ATM: variants seen among roughly 807,000 people sequenced by gnomAD.
The protein encoded by ATM is ATM serine/threonine kinase.
ATM carries 308 observed loss-of-function variants against 387.0 expected under a neutral mutation model. The observed-to-expected ratio is 0.80, with a 90% CI of 0.73 to 0.87. The LOEUF (loss-of-function observed/expected upper bound fraction) is 0.87, where lower values mean the gene tolerates loss of function less well. Ranked by LOEUF, ATM falls within the 40% of genes least tolerant of loss-of-function variation. ATM has a pLI of 0.00. For missense variants in ATM, 3,312 were observed against 3,560.9 expected, an observed-to-expected ratio of 0.93 and a Z score of 1.78; for synonymous variants, 1,156 against 1,187.3, an observed-to-expected ratio of 0.97 and a Z score of 0.54.
chr11:108,332,698 T>A, intron 52 of ATM, 64 bp from the exon 53 acceptor site: 1 of 1,538,336 alleles, frequency 6.5e-7, no homozygotes, highest in African/African-American at 1.4e-5. Context: ...TTTGTTTTTC[T>A]AACTCTGAGA....
At chr11:108,337,742 A>G (rs1384681100) in intron 56 of ATM, among the ~76,000 whole-genome samples, 3 of 152,256 alleles carry the variant, frequency 2.0e-5, no homozygotes, top group African/African-American at 7.2e-5. Flanking sequence ...GAGACTAGAT[A>G]TTCTGTAATG....
intron 39 of ATM, among the ~76,000 whole-genome samples, chr11:108,310,832 G>A (rs561584245): frequency 2.6e-4 from 40 of 151,958 alleles, no homozygotes; most frequent in African/African-American, 6.5e-4. Flanking sequence ...AATTTAATTC[G>A]CTTTCCTCTG....
rs1248803396 is a variant in ATM, at chr11:108,331,960, T to C, written c.7711T>C (p.Phe2571Leu). 2 of 1,613,986 alleles carry C rather than the reference T, an allele frequency of 1.2e-6. No individual in the cohort carries two copies. Among genetic ancestry groups the C allele is most frequent in the African/African-American group, 2.7e-5 (2 of 74,938 alleles). The change falls in exon 52 of 63, where the codon TTT (phenylalanine) becomes CTT (leucine). Residue 2571 changes from phenylalanine to leucine, a missense_variant. Physicochemically the swap from Phe to Leu is conservative, Grantham distance 22. Coordinates refer to ENST00000675843, the MANE Select transcript of ATM (RefSeq NM_000051.4). Reference protein sequence around the residue: ...LALANANRDEFLTKPEVARRS... With the variant: ...LALANANRDELLTKPEVARRS... ...CTTAGCAAATGCAAACAGAGATGAA[T>C]TTCTGACTAAACCAGAGGTAGCCAG...
At chr11:108,314,582 T>C (rs1354151345) in intron 40 of ATM, among the ~76,000 whole-genome samples, 29 of 152,108 alleles carry the variant, frequency 1.9e-4, no homozygotes, top group Admixed American at 1.9e-3. Flanking sequence ...GTCTACTGTG[T>C]TGCTGATCCA....
At chr11:108,318,033 T>G (rs1336156932) in intron 43 of ATM, among the ~76,000 whole-genome samples, 2 of 152,058 alleles carry the variant, frequency 1.3e-5, no homozygotes, top group Non-Finnish European at 2.9e-5. Flanking sequence ...CACAAAGGAC[T>G]GCTTATCTTT....
intron 57 of ATM, among the ~76,000 whole-genome samples, chr11:108,344,872 C>G (rs1433973887): frequency 1.3e-5 from 2 of 151,960 alleles, no homozygotes; most frequent in African/African-American, 4.8e-5. Flanking sequence ...GTAATGGTGG[C>G]ACATGCCTGT....
chr11:108,250,872 G>A lies in ATM; in HGVS notation c.1407G>A (p.Arg469=), dbSNP rs1555070912. The change falls in exon 10 of 63, where the codon AGG becomes AGA. Residue 469 remains arginine, a synonymous_variant. Coordinates refer to ENST00000675843, the MANE Select transcript of ATM (RefSeq NM_000051.4). ...AAGTTGCATTGTGTCAAGACAAGAG[G>A]TCAAACCTAGAAAGCTCACAAAAGT... The part of the protein sequence containing the change: ...LTEVALCQDK[R]SNLESSQKSD... 1.2e-6 allele frequency: 2 copies of A among 1,613,962 alleles called. No homozygotes were observed. Among genetic ancestry groups the A allele is most frequent in the Non-Finnish European group, 1.7e-6 (2 of 1,180,020 alleles).
In ATM at chr11:108,308,631, T is replaced by G. The variant is rs187869779; in HGVS notation, c.5762+647T>G. The G allele has an allele frequency of 6.0e-3, 1,263 of 210,170 alleles. 5 individuals are homozygous for G. Among genetic ancestry groups the G allele is most frequent in the Non-Finnish European group, 9.5e-3 (988 of 103,514 alleles). The allele number at this position is 210,170 out of a possible 1,614,324, so 13.0% of individuals were successfully genotyped here. On this transcript the variant is annotated intron_variant, in intron 38 of 62. Transcript: ENST00000675843. Reference sequence around the variant, plus strand: ...AGAAATAGTGTAGTAGGCCTATAATTTGAATAGGTAGGAATCGATGTCTCA... The same window carrying G: ...AGAAATAGTGTAGTAGGCCTATAATGTGAATAGGTAGGAATCGATGTCTCA...
chr11:108,312,330 C>A, intron 39 of ATM, 81 bp from the exon 40 acceptor site: 2 of 1,055,036 alleles, frequency 1.9e-6, no homozygotes, highest in Non-Finnish European at 2.9e-6. Context: ...TAGTTTTTTT[C>A]TGTCAAAGTC....
At chr11:108,232,154 C>T (rs962292791) in intron 4 of ATM, among the ~76,000 whole-genome samples, 1 of 152,222 alleles carries the variant, frequency 6.6e-6, no homozygotes, top group African/African-American at 2.4e-5. Context: ...TTTGAAAATG[C>T]ATCAGCCTGT....
chr11:108,235,889 CA>C (rs1269656147), intron 5 of ATM, 55 bp downstream of exon 5: 24 of 1,581,280 alleles, frequency 1.5e-5, no homozygotes, highest in Non-Finnish European at 1.8e-5. Context: ...GAAACTTCAC[CA>C]AAGAAAGCAC....
intron 49 of ATM, 37 bp from the exon 50 acceptor site, chr11:108,330,177 A>C (rs1185939931): frequency 1.9e-6 from 3 of 1,593,412 alleles, no homozygotes; most frequent in Non-Finnish European, 2.6e-6. Context: ...GTTAAAGTTC[A>C]TGGCTTTTGT....
intron 29 of ATM, 88 bp downstream of exon 29, chr11:108,289,889 A>G: frequency 3.0e-6 from 4 of 1,314,600 alleles, no homozygotes; most frequent in Admixed American, 2.0e-5. Flanking sequence ...GTTTTGAGAC[A>G]AAGACTCACT....
At position 108,304,829 on chromosome 11, in the gene ATM, C is replaced by T. The variant is rs1565482352; in HGVS notation, c.5651C>T (p.Thr1884Ile). The change falls in exon 37 of 63, where the codon ACA becomes ATA. Residue 1884 changes from threonine to isoleucine, a missense_variant. Thr to Ile is a moderately conservative substitution (Grantham distance 89). Transcript: ENST00000675843. ...LRHFSQTSRS[T>I]TPANLDSESE... ...CACTTCTCGCAAACGAGCCGATCCA[C>T]AACCCCTGCAAACTTGGATTCAGGT... The T allele has an allele frequency of 6.2e-7, 1 of 1,614,098 alleles. No individual in the cohort carries two copies. The highest frequency in any genetic ancestry group is 8.5e-7 in the Non-Finnish European group (1 of 1,180,012).
At chr11:108,253,594 C>G (rs2080271231) in intron 12 of ATM, among the ~76,000 whole-genome samples, 2 of 152,004 alleles carry the variant, frequency 1.3e-5, no homozygotes, top group Non-Finnish European at 2.9e-5. Context: ...TTTTCTCTAT[C>G]TATTAGTAAA....
intron 58 of ATM, chr11:108,346,410 A>C (rs988166293): frequency 6.5e-6 from 1 of 153,178 alleles, no homozygotes; most frequent in Non-Finnish European, 1.5e-5. Flanking sequence ...TTTTTCCCTA[A>C]GAAATTAGAA....
At position 108,234,827 on chromosome 11, in the gene ATM, C is replaced by T. The variant is rs147602145; in HGVS notation, c.332-843C>T. Among the ~76,000 whole-genome samples the T allele has an allele frequency of 8.4e-3, 1,164 of 138,330 alleles. 10 individuals carry two copies. Among genetic ancestry groups the T allele is most frequent in the African/African-American group, 0.026 (1,019 of 38,456 alleles). The allele number at this position is 138,330 out of a possible 152,430, so 90.7% of individuals were successfully genotyped here. A position where few individuals can be genotyped will look rare whatever the true frequency, so the allele number is the denominator to read the frequency against. The stretch of plus-strand genomic sequence containing the variant: ...CTGCACACCAGCCTGGGTGATAGAG[C>T]GAGACCCTGTCTTAAAAAAAAAAAT... On this transcript the variant is annotated intron_variant, in intron 4 of 62. Coordinates refer to ENST00000675843, the MANE Select transcript of ATM (RefSeq NM_000051.4).
chr11:108,360,147 A>G (rs2090540379), intron 61 of ATM, among the ~76,000 whole-genome samples: 3 of 150,930 alleles, frequency 2.0e-5, no homozygotes, highest in African/African-American at 2.4e-5. Flanking sequence ...ACAAACTACC[A>G]TCAGAGAATA....
At chr11:108,245,284 C>T (rs2079789617) in intron 7 of ATM, among the ~76,000 whole-genome samples, 3 of 152,050 alleles carry the variant, frequency 2.0e-5, no homozygotes, top group Non-Finnish European at 4.4e-5. Flanking sequence ...GACATTGTTC[C>T]CTCTAGGAGC....
Sources: gnomAD v4.1 joint callset for allele counts (sites outside exome capture counted in the v4.1 genomes callset) on GRCh38, gnomAD v4.1.1 for gene constraint, MANE v1.5 for transcripts, NCBI Gene and HGNC (gene_info 2026-07-23, HGNC 2026-07-21) for gene names.